SUZ12: variants seen among roughly 807,000 people sequenced by gnomAD.
SUZ12 encodes SUZ12 polycomb repressive complex 2 subunit, also known as polycomb protein SUZ12.
In SUZ12, 17 loss-of-function variants were observed where a neutral mutation model predicts 87.3. The observed-to-expected ratio is 0.19, with a 90% CI of 0.13 to 0.29. SUZ12 has a LOEUF of 0.29. Ranked by LOEUF, SUZ12 falls within the 10% of genes least tolerant of loss-of-function variation. SUZ12 has a pLI of 1.00. For synonymous variants in SUZ12, 253 were observed against 312.4 expected (o/e 0.81, Z 2.01); for missense variants, 526 against 912.2 (o/e 0.58, Z 5.45).
At chr17:31,942,027 T>C (rs993265864) in intron 3 of SUZ12, among the ~76,000 whole-genome samples, 1 of 152,026 alleles carries the variant, frequency 6.6e-6, no homozygotes, top group African/African-American at 2.4e-5. Context: ...TGATTTTTTG[T>C]ATTTTTAGTA....
At chr17:31,941,487 C>T (rs2142119150) in intron 3 of SUZ12, among the ~76,000 whole-genome samples, 1 of 151,960 alleles carries the variant, frequency 6.6e-6, no homozygotes, top group Middle Eastern at 3.4e-3. Flanking sequence ...GAACTCCTGA[C>T]CTCAGGTGAT....
At chr17:31,972,303 A>G (rs2142172462) in intron 5 of SUZ12, among the ~76,000 whole-genome samples, 1 of 151,490 alleles carries the variant, frequency 6.6e-6, no homozygotes, top group South Asian at 2.1e-4. Context: ...ATTAGGAAAT[A>G]TATATATGTG....
intron 11 of SUZ12, 45 bp downstream of exon 11, chr17:31,993,378 G>GT: frequency 7.9e-7 from 1 of 1,259,580 alleles, no homozygotes; most frequent in Non-Finnish European, 1.1e-6. Flanking sequence ...AAATGTATTT[G>GT]TTTTTTGTAT....
intron 4 of SUZ12, among the ~76,000 whole-genome samples, chr17:31,954,906 A>T (rs1328036273): frequency 6.6e-6 from 1 of 152,228 alleles, no homozygotes. Flanking sequence ...GCTGGAGCAG[A>T]TGGCCAGGGC....
intron 10 of SUZ12, among the ~76,000 whole-genome samples, chr17:31,988,725 T>C (rs55803137): frequency 6.6e-6 from 1 of 151,640 alleles, no homozygotes. Context: ...CCCGAGTAGC[T>C]GTGACTACAG....
chr17:32,000,456 T>C lies in SUZ12; in HGVS notation c.*1453T>C, dbSNP rs1288180870. On this transcript the variant is annotated 3_prime_UTR_variant, in exon 16 of 16. Coordinates refer to ENST00000322652, the MANE Select transcript of SUZ12 (RefSeq NM_015355.4). ...TCATCCAGTATTAAGTTCTTAGTCATTGATTTTTGTGTTTAAAAAAAAATA... is the reference window on the plus strand; with the variant it reads ...TCATCCAGTATTAAGTTCTTAGTCACTGATTTTTGTGTTTAAAAAAAAATA... 2 of 232,464 alleles carry C rather than the reference T, an allele frequency of 8.6e-6. No individual in the cohort carries two copies. The highest frequency in any genetic ancestry group is 1.7e-5 in the Non-Finnish European group (2 of 117,716). 14.4% of individuals were successfully genotyped at this position (232,464 alleles called of 1,614,324 possible). A position where few individuals can be genotyped will look rare whatever the true frequency, so the allele number is the denominator to read the frequency against.
In SUZ12 at chr17:31,974,631, C is replaced by T. The variant is rs189083415; in HGVS notation, c.592-851C>T. On this transcript the variant is annotated intron_variant, in intron 6 of 15. Coordinates refer to ENST00000322652, the MANE Select transcript of SUZ12 (RefSeq NM_015355.4). ...CATTCTTATGTTCAAAAAAATGTATCGGGGTAATCATTTTCCTGGAAGAAT... is the reference window on the plus strand; with the variant it reads ...CATTCTTATGTTCAAAAAAATGTATTGGGGTAATCATTTTCCTGGAAGAAT... Among the ~76,000 whole-genome samples, 12 of 152,102 alleles carry T rather than the reference C, an allele frequency of 7.9e-5. No individual in the cohort carries two copies. The East Asian group carries it at 2.3e-3, about 29-fold the overall frequency.
At chr17:31,953,937 CT>C (rs1907141074) in intron 4 of SUZ12, among the ~76,000 whole-genome samples, 1 of 151,756 alleles carries the variant, frequency 6.6e-6, no homozygotes, top group Admixed American at 6.6e-5. Context: ...TGGTCTTGAT[CT>C]CCTGACCTTG....
chr17:31,944,596 C>G (rs193263802), intron 3 of SUZ12, among the ~76,000 whole-genome samples: 2 of 151,470 alleles, frequency 1.3e-5, no homozygotes, highest in Non-Finnish European at 2.9e-5. Flanking sequence ...AAAAAAAAGT[C>G]TGGGGAATTT....
At chr17:31,989,584 T>G (rs888101242) in intron 10 of SUZ12, among the ~76,000 whole-genome samples, 15 of 136,946 alleles carry the variant, frequency 1.1e-4, no homozygotes, top group African/African-American at 3.2e-5. Flanking sequence ...AACTAAGTTG[T>G]TTTTTTTTGT....
At chr17:31,978,243 G>C (rs1285653055) in intron 8 of SUZ12, among the ~76,000 whole-genome samples, 1 of 151,964 alleles carries the variant, frequency 6.6e-6, no homozygotes, top group African/African-American at 2.4e-5. Context: ...GACTCTCGCT[G>C]TGTCACCCAG....
In SUZ12 at chr17:31,961,862, T is replaced by A. The variant is rs557055504; in HGVS notation, c.456-4285T>A. ...CTCAGAAAAGTAATGTAAATAATAC[T>A]AATAGTACTGCAGTGTAATGGGCCA... is the stretch of plus-strand genomic sequence containing the variant. On this transcript the variant is annotated intron_variant, in intron 4 of 15. Transcript: ENST00000322652. Among the ~76,000 whole-genome samples, 4 of 152,318 alleles carry A rather than the reference T, an allele frequency of 2.6e-5. No individual in the cohort carries two copies. In the South Asian group the frequency reaches 8.3e-4, roughly 32 times the overall value.
rs1905978023 is a variant in SUZ12, at chr17:31,937,181, T to C, written c.-66T>C. The C allele has an allele frequency of 2.3e-5, 31 of 1,343,982 alleles. No individual in the cohort carries two copies. Among genetic ancestry groups the C allele is most frequent in the South Asian group, 1.0e-4 (6 of 57,944 alleles). 83.3% of individuals were successfully genotyped at this position (1,343,982 alleles called of 1,614,324 possible). Reference sequence around the variant, plus strand: ...AGCCTGCTGGGGCGAGCGGTTGGTATTGCAGGCGCTTGCTCTCCGGGGCCG... The same window carrying C: ...AGCCTGCTGGGGCGAGCGGTTGGTACTGCAGGCGCTTGCTCTCCGGGGCCG... On this transcript the variant is annotated 5_prime_UTR_variant, in exon 1 of 16. Transcript: ENST00000322652.
chr17:31,940,497 T>C lies in SUZ12; in HGVS notation c.386+11T>C, dbSNP rs1490987433. The C allele has an allele frequency of 6.5e-7, 1 of 1,528,880 alleles. No homozygotes were observed. The highest frequency in any genetic ancestry group is 2.3e-5 in the East Asian group (1 of 42,826). 94.7% of individuals were successfully genotyped at this position (1,528,880 alleles called of 1,614,324 possible). A position where few individuals can be genotyped will look rare whatever the true frequency, so the allele number is the denominator to read the frequency against. ...AACAAACATCAAAAGGTACATTTTA[T>C]GAATCTTATTTCAAGCTGATCAAAC... On this transcript the variant is annotated intron_variant, in intron 3 of 15. Coordinates refer to ENST00000322652, the MANE Select transcript of SUZ12 (RefSeq NM_015355.4).
At chr17:31,992,028 A>T (rs752022516) in intron 10 of SUZ12, among the ~76,000 whole-genome samples, 50 of 152,078 alleles carry the variant, frequency 3.3e-4, no homozygotes, top group Non-Finnish European at 6.0e-4. Flanking sequence ...ACGGTGACTC[A>T]TATCTGTAAT....
chr17:31,970,168 T>C (rs1197088301), intron 5 of SUZ12, among the ~76,000 whole-genome samples: 3 of 152,250 alleles, frequency 2.0e-5, no homozygotes, highest in Non-Finnish European at 2.9e-5. Context: ...ATTTGGGTAC[T>C]ATTTTCATGA....
chr17:31,992,754 C>A (rs1002170335), intron 10 of SUZ12, among the ~76,000 whole-genome samples: 2 of 148,728 alleles, frequency 1.3e-5, no homozygotes, highest in Non-Finnish European at 3.0e-5. Context: ...GTCATCCAGG[C>A]GGAAGTGCAG....
intron 3 of SUZ12, among the ~76,000 whole-genome samples, chr17:31,942,321 G>T (rs1906347655): frequency 6.8e-6 from 1 of 147,498 alleles, no homozygotes; most frequent in African/African-American, 2.5e-5. Flanking sequence ...TATATCTTTG[G>T]TTTTTTTTTT....
chr17:31,956,381 A>G (rs1043381047), intron 4 of SUZ12, among the ~76,000 whole-genome samples: 1 of 152,024 alleles, frequency 6.6e-6, no homozygotes, highest in African/African-American at 2.4e-5. Flanking sequence ...TTTAGTAGAG[A>G]TGGGGTTTCA....
Sources: allele counts gnomAD v4.1 joint callset (sites outside exome capture counted in the v4.1 genomes callset), GRCh38; gene constraint gnomAD v4.1.1; transcripts MANE v1.5; gene names NCBI Gene and HGNC (gene_info 2026-07-23, HGNC 2026-07-21).